The following PSAT1 variants were observed in gnomAD, a reference collection of about 807,000 sequenced individuals.
PSAT1 encodes the protein phosphoserine aminotransferase 1.
A neutral mutation model predicts 40.3 loss-of-function variants in PSAT1; 41 were observed. The observed-to-expected ratio is 1.02, with a 90% CI of 0.79 to 1.32. The LOEUF (loss-of-function observed/expected upper bound fraction) is 1.32. PSAT1 is among the 40% of genes most tolerant of loss of function. PSAT1 has a pLI of 0.00. For missense variants in PSAT1, 406 were observed against 455.8 expected, an observed-to-expected ratio of 0.89 and a Z score of 0.99; for synonymous variants, 147 against 170.5, an observed-to-expected ratio of 0.86 and a Z score of 1.07.
At chr9:78,326,300 G>A (rs749795435) in intron 7 of PSAT1, among the ~76,000 whole-genome samples, 3 of 152,148 alleles carry the variant, frequency 2.0e-5, no homozygotes, top group South Asian at 4.1e-4. Context: ...GGAAAGAGAG[G>A]GTTATTACAC....
At position 78,304,726 on chromosome 9, in the gene PSAT1, T is replaced by A; in HGVS notation, c.192-9T>A. On this transcript the variant is annotated splice_polypyrimidine_tract_variant and intron_variant, in intron 3 of 8. Transcript: ENST00000376588. ...TTATGTATTGACTGTTACCTATGCTTCTGCCCAGAGCTGTTCCAGACAACT... is the reference window on the plus strand; with the variant it reads ...TTATGTATTGACTGTTACCTATGCTACTGCCCAGAGCTGTTCCAGACAACT... 6.2e-7 allele frequency: 1 copy of A among 1,609,460 alleles called. No homozygotes were observed. The highest frequency in any genetic ancestry group is 1.7e-5 in the Admixed American group (1 of 60,022).
rs10780231 is a variant in PSAT1, at chr9:78,328,704, C to T, written c.1008-277C>T. 0.4 allele frequency among the ~76,000 whole-genome samples: 61,167 copies of T among 151,994 alleles called. 14,142 individuals are homozygous for T. Among genetic ancestry groups the T allele is most frequent in the African/African-American group, 0.62 (25,708 of 41,414 alleles). On this transcript the variant is annotated intron_variant, in intron 8 of 8. Transcript: ENST00000376588. ...AGAATCGCTATCTTCTTCCAACTTA[C>T]CTTTTCTTCCCCACATCTTGCTTGC... is the stretch of plus-strand genomic sequence containing the variant.
intron 6 of PSAT1, among the ~76,000 whole-genome samples, chr9:78,316,766 A>G (rs1828349979): frequency 6.6e-6 from 1 of 151,948 alleles, no homozygotes; most frequent in African/African-American, 2.4e-5. Flanking sequence ...CTACAATGGG[A>G]GTCAGGACTG....
At chr9:78,309,304 C>T (rs751882989) in intron 6 of PSAT1, among the ~76,000 whole-genome samples, 9 of 152,320 alleles carry the variant, frequency 5.9e-5, no homozygotes, top group South Asian at 2.1e-4. Context: ...CTTTCTCTGT[C>T]GGGCCTGCGG....
intron 6 of PSAT1, among the ~76,000 whole-genome samples, chr9:78,310,600 C>T (rs1202817148): frequency 6.6e-6 from 1 of 150,698 alleles, no homozygotes; most frequent in Non-Finnish European, 1.5e-5. Context: ...ACATAATTTA[C>T]TATGGAAAGG....
intron 6 of PSAT1, among the ~76,000 whole-genome samples, 186 bp downstream of exon 6, chr9:78,308,769 A>G (rs1246586429): frequency 2.0e-5 from 3 of 152,184 alleles, no homozygotes; most frequent in Non-Finnish European, 4.4e-5. Context: ...TAGCCTGACC[A>G]ACATGGTGAA....
chr9:78,321,271 C>T (rs1828425946), intron 7 of PSAT1, among the ~76,000 whole-genome samples: 1 of 152,140 alleles, frequency 6.6e-6, no homozygotes, highest in African/African-American at 2.4e-5. Flanking sequence ...AGCGTCATCC[C>T]AGGCACTTGG....
At chr9:78,300,718 T>TC in intron 2 of PSAT1, 56 bp downstream of exon 2, 1 of 1,498,770 alleles carries the variant, frequency 6.7e-7, no homozygotes, top group East Asian at 2.4e-5. Flanking sequence ...AGCTTTTTTT[T>TC]TTTTTTTTTT....
intron 3 of PSAT1, among the ~76,000 whole-genome samples, chr9:78,302,662 A>AG (rs1356529517): frequency 6.8e-6 from 1 of 146,016 alleles, no homozygotes; most frequent in Non-Finnish European, 1.5e-5. Flanking sequence ...TGAACCAGGG[A>AG]GGCGGAGTTT....
intron 7 of PSAT1, among the ~76,000 whole-genome samples, chr9:78,323,365 A>G (rs1344139863): frequency 6.6e-6 from 1 of 152,142 alleles, no homozygotes; most frequent in Non-Finnish European, 1.5e-5. Context: ...GACCCCAAGG[A>G]GTTTGAGACC....
rs1452301969 is a variant in PSAT1 at position 78,304,715 on chromosome 9, T to C, written c.192-20T>C. ...ACCACATGAGTTTATGTATTGACTG[T>C]TACCTATGCTTCTGCCCAGAGCTGT... On this transcript the variant is annotated intron_variant, in intron 3 of 8. Transcript: ENST00000376588. The C allele has an allele frequency of 6.3e-7, 1 of 1,596,174 alleles. No individual in the cohort carries two copies. Among genetic ancestry groups the C allele is most frequent in the Non-Finnish European group, 8.6e-7 (1 of 1,163,784 alleles).
chr9:78,301,859 T>C, intron 2 of PSAT1, 95 bp from the exon 3 acceptor site: 1 of 928,006 alleles, frequency 1.1e-6, no homozygotes, highest in South Asian at 1.4e-5. Flanking sequence ...GAAATTTCCC[T>C]GTATTGTTGT....
At chr9:78,307,954 G>C (rs904772995) in intron 5 of PSAT1, among the ~76,000 whole-genome samples, 18 of 152,106 alleles carry the variant, frequency 1.2e-4, no homozygotes, top group African/African-American at 3.9e-4. Flanking sequence ...CAGGAAAATT[G>C]CTTGAACCCG....
chr9:78,298,427 G>A (rs1828059237), intron 1 of PSAT1: 2 of 985,204 alleles, frequency 2.0e-6, no homozygotes, highest in East Asian at 1.1e-4. Flanking sequence ...TTTTAAAGGG[G>A]AAAGGACTTC....
chr9:78,321,460 A>G (rs1264647734), intron 7 of PSAT1, among the ~76,000 whole-genome samples: 1 of 152,166 alleles, frequency 6.6e-6, no homozygotes, highest in Non-Finnish European at 1.5e-5. Context: ...GGCCACTTTT[A>G]AAGAGGAATA....
At chr9:78,309,495 T>C (rs987639038) in intron 6 of PSAT1, among the ~76,000 whole-genome samples, 1 of 152,188 alleles carries the variant, frequency 6.6e-6, no homozygotes, top group South Asian at 2.1e-4. Flanking sequence ...CCCGAGTAGC[T>C]GGGATTACAG....
At chr9:78,307,428 A>C (rs1367268168) in intron 5 of PSAT1, among the ~76,000 whole-genome samples, 1 of 152,242 alleles carries the variant, frequency 6.6e-6, no homozygotes, top group Non-Finnish European at 1.5e-5. Context: ...AGGCTGAATA[A>C]TAATTGTTTA....
intron 7 of PSAT1, among the ~76,000 whole-genome samples, chr9:78,321,690 T>C (rs1230325557): frequency 1.3e-5 from 2 of 152,276 alleles, no homozygotes; most frequent in East Asian, 1.9e-4. Flanking sequence ...GTTGATTCCA[T>C]AGCCCAGTCA....
At chr9:78,300,709 GCTT>G in intron 2 of PSAT1, 47 bp downstream of exon 2, 3 of 1,176,092 alleles carry the variant, frequency 2.6e-6, no homozygotes, top group Non-Finnish European at 3.3e-6. Context: ...TTCAAAGGAA[GCTT>G]TTTTTTTTTT....
Sources: gnomAD v4.1 joint callset for allele counts (sites outside exome capture counted in the v4.1 genomes callset) on GRCh38, gnomAD v4.1.1 for gene constraint, MANE v1.5 for transcripts, NCBI Gene and HGNC (gene_info 2026-07-23, HGNC 2026-07-21) for gene names.